The following PRMT7 variants were observed in gnomAD, a reference collection of about 807,000 sequenced individuals.
PRMT7 encodes protein arginine N-methyltransferase 7.
A neutral mutation model predicts 85.4 loss-of-function variants in PRMT7; 75 were observed. The observed-to-expected ratio is 0.88, with a 90% CI of 0.73 to 1.06. The LOEUF (loss-of-function observed/expected upper bound fraction) is 1.06. Among genes scored for constraint, PRMT7 ranks in the 50% least tolerant of loss-of-function variants. The pLI, the probability that PRMT7 is intolerant of heterozygous loss-of-function variation, is 0.00. For synonymous variants in PRMT7, 397 were observed against 359.5 expected (o/e 1.10, Z -1.18); for missense variants, 868 against 915.2 (o/e 0.95, Z 0.67).
chr16:68,336,131 C>T (rs1191461252), intron 6 of PRMT7, among the ~76,000 whole-genome samples: 1 of 152,194 alleles, frequency 6.6e-6, no homozygotes, highest in Non-Finnish European at 1.5e-5. Flanking sequence ...GAGACTTGTG[C>T]TCTGTGTAGG....
At chr16:68,340,296 A>G (rs547458968) in intron 9 of PRMT7, among the ~76,000 whole-genome samples, 2 of 152,194 alleles carry the variant, frequency 1.3e-5, no homozygotes, top group East Asian at 3.9e-4. Context: ...TGGAATAGAG[A>G]ACTACAGCCT....
intron 4 of PRMT7, among the ~76,000 whole-genome samples, chr16:68,323,400 A>G (rs927160136): frequency 6.6e-6 from 1 of 151,894 alleles, no homozygotes. Flanking sequence ...TTGTATCTTT[A>G]GTAGAGATGG....
chr16:68,332,089 G>C (rs2151613274), intron 6 of PRMT7, among the ~76,000 whole-genome samples: 1 of 152,298 alleles, frequency 6.6e-6, no homozygotes, highest in East Asian at 1.9e-4. Context: ...ATGCAGTTGG[G>C]TTACTTGCAG....
chr16:68,315,276 T>C (rs2044565402), intron 2 of PRMT7: 1 of 152,388 alleles, frequency 6.6e-6, no homozygotes, highest in Non-Finnish European at 1.5e-5. Flanking sequence ...TTCCTTGCTA[T>C]GCTTTTTAGT....
chr16:68,346,784 TGGG>T (rs1317154853), intron 11 of PRMT7, among the ~76,000 whole-genome samples: 4 of 151,406 alleles, frequency 2.6e-5, no homozygotes, highest in Non-Finnish European at 4.4e-5. Context: ...TTTTGGGGGA[TGGG>T]GGGAGGATCC....
chr16:68,349,020 T>C (rs983528233), intron 14 of PRMT7, among the ~76,000 whole-genome samples: 1 of 152,098 alleles, frequency 6.6e-6, no homozygotes, highest in Non-Finnish European at 1.5e-5. Flanking sequence ...GAGCAGAGCA[T>C]GTCCTTTCCT....
At chr16:68,338,744 CTGG>C (rs892125032) in intron 7 of PRMT7, among the ~76,000 whole-genome samples, 104 of 152,314 alleles carry the variant, frequency 6.8e-4, no homozygotes, top group African/African-American at 2.5e-3. Context: ...CAGTGGTGTC[CTGG>C]TGGTGAAAGC....
intron 9 of PRMT7, among the ~76,000 whole-genome samples, chr16:68,342,141 G>A (rs1331068860): frequency 6.6e-6 from 1 of 152,130 alleles, no homozygotes; most frequent in African/African-American, 2.4e-5. Flanking sequence ...ACCCGGATGT[G>A]GTGGTGCGTG....
intron 16 of PRMT7, chr16:68,354,195 T>C (rs1335290710): frequency 1.3e-5 from 2 of 152,216 alleles, no homozygotes; most frequent in African/African-American, 4.8e-5. Context: ...TTGGGCAATA[T>C]AGCAAGACCC....
intron 4 of PRMT7, 132 bp downstream of exon 4, chr16:68,321,594 C>T: frequency 1.3e-6 from 1 of 795,808 alleles, no homozygotes; most frequent in Non-Finnish European, 2.0e-6. Flanking sequence ...GTCAGGAAAT[C>T]AGTTGGGAGA....
intron 14 of PRMT7, chr16:68,351,366 C>T (rs1160707457): frequency 2.0e-5 from 3 of 151,856 alleles, no homozygotes; most frequent in Admixed American, 6.6e-5. Flanking sequence ...GTTTCTTACC[C>T]GGACTCTTTC....
chr16:68,347,576 A>C (rs2086609142), intron 12 of PRMT7, 55 bp from the exon 13 acceptor site: 13 of 1,561,080 alleles, frequency 8.3e-6, no homozygotes, highest in African/African-American at 1.4e-5. Context: ...TTAATCTTTA[A>C]TTTCTTCTCT....
Position 68,332,432 on chromosome 16 carries a change from C to T in PRMT7, c.391+3258C>T, listed in dbSNP as rs1320573808. Among the ~76,000 whole-genome samples, 5 of 152,204 alleles carry T rather than the reference C, an allele frequency of 3.3e-5. No individual in the cohort carries two copies. In the East Asian group the frequency reaches 9.6e-4, roughly 29 times the overall value. On this transcript the variant is annotated intron_variant, in intron 6 of 18. Coordinates refer to ENST00000441236, the MANE Select transcript of PRMT7 (RefSeq NM_019023.5). ...ACTGCTCTAAGGCTGTTTAGCCAGA[C>T]AGTTACTGTAACCTTTCTGGAGTGT...
intron 6 of PRMT7, among the ~76,000 whole-genome samples, chr16:68,334,372 T>C (rs1413671589): frequency 2.0e-5 from 3 of 152,216 alleles, no homozygotes; most frequent in Admixed American, 6.5e-5. Flanking sequence ...GGGTGGTCTT[T>C]CCTCTGCTTT....
intron 16 of PRMT7, chr16:68,354,480 T>G (rs2087967460): frequency 6.6e-6 from 1 of 152,294 alleles, no homozygotes; most frequent in African/African-American, 2.4e-5. Context: ...TCTGCTCACC[T>G]TTCTGCTCTC....
At chr16:68,344,935 C>CACACACACACACACAT (rs761585688) in intron 9 of PRMT7, among the ~76,000 whole-genome samples, 11 of 140,264 alleles carry the variant, frequency 7.8e-5, no homozygotes, top group African/African-American at 3.0e-4. Flanking sequence ...TGCATCTCTA[C>CACACACACACACACAT]ACACACACAC....
rs756722562 is a variant in PRMT7, at chr16:68,324,707, C to T, written c.157C>T (p.Arg53Trp). Residue 53 changes from arginine (R) to tryptophan (W), a missense_variant, in exon 5 of 19, where the codon CGG becomes TGG. By Grantham distance (101) the Arg-to-Trp change is moderately radical (BLOSUM62 -3). Coordinates refer to ENST00000441236, the MANE Select transcript of PRMT7 (RefSeq NM_019023.5). ...GAATGTAAAATACTACCAAGGTATC[C>T]GGGCTGCCGTGAGCAGGGTGAAGGA... ...DRNVKYYQGI[R>W]AAVSRVKDRG... The T allele has an allele frequency of 6.9e-5, 111 of 1,614,094 alleles. No individual in the cohort carries two copies. The highest frequency in any genetic ancestry group is 1.8e-4 in the Admixed American group (11 of 60,012).
intron 4 of PRMT7, chr16:68,324,387 C>T (rs1324631054): frequency 5.3e-5 from 21 of 397,344 alleles, no homozygotes; most frequent in African/African-American, 2.9e-4. Context: ...CCCTCTTGGT[C>T]CCCCTTTTGG....
At chr16:68,313,945 TAAAAAC>T (rs1362602996) in intron 2 of PRMT7, among the ~76,000 whole-genome samples, 1 of 152,170 alleles carries the variant, frequency 6.6e-6, no homozygotes, top group South Asian at 2.1e-4. Context: ...TCCCATCTCT[TAAAAAC>T]AATAAAAATG....
Sources: allele counts gnomAD v4.1 joint callset (sites outside exome capture counted in the v4.1 genomes callset), GRCh38; gene constraint gnomAD v4.1.1; transcripts MANE v1.5; gene names NCBI Gene and HGNC (gene_info 2026-07-23, HGNC 2026-07-21).